ROBO2: variants seen among roughly 807,000 people sequenced by gnomAD.
The protein encoded by ROBO2 is roundabout guidance receptor 2.
In ROBO2, 53 loss-of-function variants were observed where a neutral mutation model predicts 160.8. The observed-to-expected ratio is 0.33, with a 90% confidence interval of 0.26 to 0.41. The LOEUF is 0.41. Among genes scored for constraint, ROBO2 ranks in the 10% least tolerant of loss-of-function variants. The probability of loss-of-function intolerance (pLI) is 1.00; values close to 1 mark genes in which losing one functional copy is unlikely to be tolerated. For synonymous variants in ROBO2, 664 were observed against 611.7 expected, an observed-to-expected ratio of 1.09 and a Z score of -1.26; for missense variants, 1,577 against 1,722.4, an observed-to-expected ratio of 0.92 and a Z score of 1.49.
At chr3:76,704,991 G>A (rs533038391) in intron 2 of ROBO2, among the ~76,000 whole-genome samples, 1 of 152,282 alleles carries the variant, frequency 6.6e-6, no homozygotes, top group Non-Finnish European at 1.5e-5. Flanking sequence ...TCTGGGTAAA[G>A]TTAGAGAGTA....
At position 76,765,906 on chromosome 3, in the gene ROBO2, A is replaced by G. The variant is rs74388035; in HGVS notation, c.110-332108A>G. 1.2e-3 allele frequency among the ~76,000 whole-genome samples: 188 copies of G among 151,750 alleles called. 1 individual carries two copies. Among genetic ancestry groups the G allele is most frequent in the African/African-American group, 4.1e-3 (170 of 41,484 alleles). ...TTTTGGGACAATTTGTTACACATCA[A>G]TCGTAACTGGAATCAACCTAGCGTC... On this transcript the variant is annotated intron_variant, in intron 2 of 26. Coordinates refer to the ROBO2 transcript ENST00000487694.
At chr3:76,328,543 G>T (rs1196250589) in intron 2 of ROBO2, among the ~76,000 whole-genome samples, 25 of 151,954 alleles carry the variant, frequency 1.6e-4, no homozygotes. Flanking sequence ...TGGCTAACAC[G>T]GTGAAACCCC....
chr3:75,928,861 CGTGTGTGTGTGT>C lies in ROBO2; in HGVS notation c.-13-8590_-13-8579del, dbSNP rs60525375. ...ACATGAGATCTGCAGCTGGATAAGA[CGTGTGTGTGTGT>C]GTGTGTGTGTGTGTGTGTGTGTGTG... On this transcript the variant is annotated intron_variant, in intron 1 of 26. Transcript: ENST00000487694. 4.6e-4 allele frequency among the ~76,000 whole-genome samples: 50 copies of C among 109,086 alleles called. No homozygotes were observed. In the South Asian group the frequency reaches 9.2e-3, roughly 20 times the overall value. The allele number at this position is 109,086 out of a possible 152,430, so 71.6% of individuals were successfully genotyped here. A position where few individuals can be genotyped will look rare whatever the true frequency, so the allele number is the denominator to read the frequency against.
At chr3:76,521,491 C>G (rs2081616814) in intron 2 of ROBO2, among the ~76,000 whole-genome samples, 1 of 152,058 alleles carries the variant, frequency 6.6e-6, no homozygotes, top group Admixed American at 6.6e-5. Flanking sequence ...ATAGGGGAAG[C>G]AAGTTTTGAA....
chr3:77,385,219 G>A (rs2153492025), intron 2 of ROBO2, among the ~76,000 whole-genome samples: 1 of 152,168 alleles, frequency 6.6e-6, no homozygotes, highest in Non-Finnish European at 1.5e-5. Flanking sequence ...TTGGTAGAGA[G>A]GAGGTTTCAT....
At chr3:76,682,678 T>C (rs900904623) in intron 2 of ROBO2, among the ~76,000 whole-genome samples, 1 of 152,186 alleles carries the variant, frequency 6.6e-6, no homozygotes, top group Non-Finnish European at 1.5e-5. Context: ...AGTGCTGGGA[T>C]TGAAGGCGTG....
intron 2 of ROBO2, among the ~76,000 whole-genome samples, chr3:76,825,399 TAAAG>T (rs1056663880): frequency 6.6e-6 from 1 of 152,024 alleles, no homozygotes; most frequent in African/African-American, 2.4e-5. Flanking sequence ...TTTCCCAATA[TAAAG>T]AAACAAAAAC....
chr3:77,451,016 C>T (rs984257017), intron 2 of ROBO2, among the ~76,000 whole-genome samples: 9 of 152,010 alleles, frequency 5.9e-5, no homozygotes, highest in African/African-American at 1.7e-4. Context: ...TATATTCATC[C>T]GTCAGTTTCA....
chr3:77,214,274 G>A (rs896679627), intron 2 of ROBO2, among the ~76,000 whole-genome samples: 13 of 152,256 alleles, frequency 8.5e-5, no homozygotes, highest in African/African-American at 2.6e-4. Flanking sequence ...TGTATTGGGT[G>A]CATATATATT....
intron 2 of ROBO2, among the ~76,000 whole-genome samples, chr3:77,380,015 A>G (rs552921719): frequency 1.4e-3 from 220 of 152,322 alleles, no homozygotes; most frequent in Non-Finnish European, 2.7e-3. Flanking sequence ...TAAAACACTC[A>G]GGGAGGACTT....
intron 2 of ROBO2, among the ~76,000 whole-genome samples, chr3:76,113,511 A>G (rs1055863092): frequency 3.3e-5 from 5 of 152,144 alleles, no homozygotes; most frequent in African/African-American, 1.2e-4. Context: ...CCCATTACAT[A>G]TATCTCATCT....
intron 2 of ROBO2, among the ~76,000 whole-genome samples, chr3:76,001,463 CTT>C (rs1052971430): frequency 2.6e-5 from 4 of 152,074 alleles, no homozygotes; most frequent in African/African-American, 9.7e-5. Flanking sequence ...CTCATTGAAA[CTT>C]ATCTTTTGAT....
At chr3:76,763,487 A>G (rs2061415102) in intron 2 of ROBO2, among the ~76,000 whole-genome samples, 1 of 151,722 alleles carries the variant, frequency 6.6e-6, no homozygotes, top group Admixed American at 6.6e-5. Flanking sequence ...CTATATTTAC[A>G]TCTATTCACC....
intron 2 of ROBO2, among the ~76,000 whole-genome samples, chr3:76,427,291 A>ATAG (rs1053307182): frequency 1.1e-4 from 17 of 151,958 alleles, no homozygotes; most frequent in African/African-American, 4.1e-4. Flanking sequence ...CTTGCAACTG[A>ATAG]TAGTTCTGGA....
intron 2 of ROBO2, among the ~76,000 whole-genome samples, chr3:77,389,381 C>T (rs570847421): frequency 5.3e-4 from 81 of 152,250 alleles, no homozygotes; most frequent in African/African-American, 1.9e-3. Flanking sequence ...GTACTAGCCA[C>T]ATTTTAACTG....
At chr3:76,917,672 G>A (rs2076408340) in intron 2 of ROBO2, among the ~76,000 whole-genome samples, 1 of 152,082 alleles carries the variant, frequency 6.6e-6, no homozygotes, top group African/African-American at 2.4e-5. Context: ...CCTTCTCATT[G>A]AGGGAAAATA....
chr3:77,006,512 A>G lies in ROBO2; in HGVS notation c.110-91502A>G, dbSNP rs537009665. On this transcript the variant is annotated intron_variant, in intron 2 of 26. Transcript: ENST00000487694. The stretch of plus-strand genomic sequence containing the variant: ...TGCAAAAGTGACAAGAGGAACAGGA[A>G]GAAGGTCATGGAGTGAATGGGAAAA... Among the ~76,000 whole-genome samples the G allele has an allele frequency of 2.0e-5, 3 of 152,218 alleles. No individual in the cohort carries two copies. In the South Asian group the frequency reaches 6.2e-4, roughly 32 times the overall value.
At chr3:76,329,276 C>T (rs569809363) in intron 2 of ROBO2, among the ~76,000 whole-genome samples, 13 of 152,198 alleles carry the variant, frequency 8.5e-5, no homozygotes, top group African/African-American at 2.9e-4. Context: ...TGCAGTGCAG[C>T]GGCGCGATCT....
chr3:76,791,214 T>A (rs1354769581), intron 2 of ROBO2, among the ~76,000 whole-genome samples: 1 of 151,698 alleles, frequency 6.6e-6, no homozygotes, highest in Non-Finnish European at 1.5e-5. Context: ...GAAAAGAACA[T>A]GGAAAAAGTT....
Sources: allele counts gnomAD v4.1 joint callset (sites outside exome capture counted in the v4.1 genomes callset), GRCh38; gene constraint gnomAD v4.1.1; transcripts MANE v1.5; gene names NCBI Gene and HGNC (gene_info 2026-07-23, HGNC 2026-07-21).